GRM4: variants seen among roughly 807,000 people sequenced by gnomAD.
GRM4 encodes glutamate metabotropic receptor 4.
A neutral mutation model predicts 81.7 loss-of-function variants in GRM4; 28 were observed. That is an observed-to-expected ratio of 0.34 (90% CI 0.25 to 0.47). GRM4 has a LOEUF of 0.47. Ranked by LOEUF, GRM4 falls within the 20% of genes least tolerant of loss-of-function variation. GRM4 has a pLI of 1.00. For missense variants in GRM4, 948 were observed against 1,290.0 expected, an observed-to-expected ratio of 0.73 and a Z score of 4.06; for synonymous variants, 488 against 528.8, an observed-to-expected ratio of 0.92 and a Z score of 1.06.
intron 6 of GRM4, among the ~76,000 whole-genome samples, chr6:34,046,499 G>A (rs1765370690): frequency 6.6e-6 from 1 of 152,168 alleles, no homozygotes; most frequent in South Asian, 2.1e-4. Context: ...GGTGAGGTGG[G>A]GGAGGAAAGT....
At chr6:34,079,712 G>A (rs959063447) in intron 3 of GRM4, among the ~76,000 whole-genome samples, 1 of 152,050 alleles carries the variant, frequency 6.6e-6, no homozygotes. Flanking sequence ...CAGGAGTGCC[G>A]TGCCTGGCCC....
Position 34,059,251 on chromosome 6 carries a change from C to G in GRM4, c.873-123G>C. 4.9e-6 allele frequency: 4 copies of G among 820,116 alleles called. No homozygotes were observed. The highest frequency in any genetic ancestry group is 7.9e-6 in the Non-Finnish European group (4 of 508,896). 50.8% of individuals were successfully genotyped at this position (820,116 alleles called of 1,614,324 possible). ...AGAAGCCCAGGGTCCACAACTGTCC[C>G]AGCACCGATGCTTTCACCCCAAGCC... On this transcript the variant is annotated intron_variant, in intron 4 of 10. Transcript: ENST00000538487. This position sits in a 1 kb window ranked among gnomAD's most constrained non-coding sequence, Gnocchi z 5.7.
intron 1 of GRM4, among the ~76,000 whole-genome samples, chr6:34,143,394 C>T (rs1020507719): frequency 6.6e-6 from 1 of 152,148 alleles, no homozygotes; most frequent in African/African-American, 2.4e-5. Flanking sequence ...CACTCTCCAC[C>T]GCAGCCAGGC....
chr6:34,140,404 T>C (rs1200888946), intron 1 of GRM4, among the ~76,000 whole-genome samples: 2 of 151,806 alleles, frequency 1.3e-5, no homozygotes, highest in Non-Finnish European at 2.9e-5. Flanking sequence ...GACAGGGAAA[T>C]GAGGGGCCAC....
At position 34,092,951 on chromosome 6, in the gene GRM4, G is replaced by A. The variant is rs2127487400; in HGVS notation, c.520-852C>T. On this transcript the variant is annotated intron_variant, in intron 2 of 10. Coordinates refer to ENST00000538487, the MANE Select transcript of GRM4 (RefSeq NM_000841.4). The surrounding 1 kb of genome is among the most constrained non-coding windows in gnomAD (Gnocchi z 6.8). ...CTCCTCTCCGCCCCTCCCCTCCAGG[G>A]CGCCACCCACTGCTCTGCTCTCCCG... Among the ~76,000 whole-genome samples the A allele has an allele frequency of 6.6e-6, 1 of 152,200 alleles. No homozygotes were observed. Among genetic ancestry groups the A allele is most frequent in the East Asian group, 1.9e-4 (1 of 5,158 alleles).
intron 2 of GRM4, among the ~76,000 whole-genome samples, chr6:34,101,449 C>T (rs370264325): frequency 2.0e-4 from 30 of 152,160 alleles, no homozygotes; most frequent in African/African-American, 7.0e-4. Flanking sequence ...CTGTCTCCTG[C>T]GTACACGGTG....
At chr6:34,128,770 T>C (rs1488361004) in intron 2 of GRM4, among the ~76,000 whole-genome samples, 1 of 152,192 alleles carries the variant, frequency 6.6e-6, no homozygotes, top group African/African-American at 2.4e-5. Flanking sequence ...AGAGAAGGGT[T>C]AAGCAGTTTG....
chr6:34,041,471 C>T (rs1255104306), intron 6 of GRM4, among the ~76,000 whole-genome samples: 3 of 152,178 alleles, frequency 2.0e-5, no homozygotes, highest in Non-Finnish European at 4.4e-5. Flanking sequence ...AATGACTCCC[C>T]AAGGCACCGT....
Position 34,042,834 on chromosome 6 carries a change from A to G in GRM4, c.1169-2086T>C, listed in dbSNP as rs1031686451. On this transcript the variant is annotated intron_variant, in intron 6 of 10. Transcript: ENST00000538487. The surrounding 1 kb of genome is among the most constrained non-coding windows in gnomAD (Gnocchi z 4.2). Reference sequence around the variant, plus strand: ...GCCTCTCCCTGAGGCAGTACCCTCTAATCCCCTCACACCCTCTAATCCTGG... The same window carrying G: ...GCCTCTCCCTGAGGCAGTACCCTCTGATCCCCTCACACCCTCTAATCCTGG... 1.4e-4 allele frequency among the ~76,000 whole-genome samples: 21 copies of G among 152,148 alleles called. No individual in the cohort carries two copies. Among genetic ancestry groups the G allele is most frequent in the Admixed American group, 1.2e-3 (19 of 15,288 alleles).
rs1302116107 is a variant in GRM4, at chr6:34,121,344, G to C, written c.519+11634C>G. 6.6e-6 allele frequency among the ~76,000 whole-genome samples: 1 copy of C among 152,194 alleles called. No individual in the cohort carries two copies. The highest frequency in any genetic ancestry group is 1.5e-5 in the Non-Finnish European group (1 of 68,038). On this transcript the variant is annotated intron_variant, in intron 2 of 10. Transcript: ENST00000538487. This position sits in a 1 kb window ranked among gnomAD's most constrained non-coding sequence, Gnocchi z 4.6. Reference sequence around the variant, plus strand: ...GACTCCCTGACAGCTTCCAGAGCCTGAGCTGGGAAGGAGAGAGAAGACTGC... The same window carrying C: ...GACTCCCTGACAGCTTCCAGAGCCTCAGCTGGGAAGGAGAGAGAAGACTGC...
chr6:34,031,161 C>T (rs1484115378), intron 9 of GRM4, among the ~76,000 whole-genome samples: 1 of 152,184 alleles, frequency 6.6e-6, no homozygotes, highest in Non-Finnish European at 1.5e-5. Context: ...CCAGGAAGGT[C>T]CTAAAGGGAG....
At chr6:34,062,579 A>C (rs1766241791) in intron 3 of GRM4, 1 of 147,670 alleles carries the variant, frequency 6.8e-6, no homozygotes, top group Non-Finnish European at 1.5e-5. Context: ...AATAGAGCCC[A>C]CCCTGAGGCA....
intron 2 of GRM4, chr6:34,099,999 G>C: frequency 1.1e-6 from 1 of 951,920 alleles, no homozygotes; most frequent in Non-Finnish European, 1.3e-6. Flanking sequence ...ACTCACCTCA[G>C]GACTTGACTC....
In GRM4 at chr6:34,040,664, T is replaced by C. The variant is rs1764977256; in HGVS notation, c.1253A>G (p.His418Arg). The change falls in exon 7 of 11, where the codon CAC (histidine) becomes CGC (arginine). Residue 418 changes from histidine (H) to arginine (R), a missense_variant. Physicochemically the swap from His to Arg is conservative, Grantham distance 29. Coordinates refer to ENST00000538487, the MANE Select transcript of GRM4 (RefSeq NM_000841.4). ...GTCACGGTGCATGGCGTGCAGCGCG[T>C]GGCCCATGGCGTACACGGCATCGAT... ...FVIDAVYAMG[H>R]ALHAMHRDLC... 1 of 1,613,936 alleles carries C rather than the reference T, an allele frequency of 6.2e-7. No homozygotes were observed.
Position 34,036,286 on chromosome 6 carries a change from G to C in GRM4, c.1824C>G (p.Thr608=). The C allele has an allele frequency of 6.2e-7, 1 of 1,614,158 alleles. No homozygotes were observed. The highest frequency in any genetic ancestry group is 8.5e-7 in the Non-Finnish European group (1 of 1,180,010). The stretch of plus-strand genomic sequence containing the variant: ...TGGGCGTGTCGTTGTAGCGCACAAA[G>C]GTGATCACCACGAACAACGTGGCAG... ...GIAATLFVVI[T]FVRYNDTPIV... is the part of the protein sequence containing the mutation. Residue 608 remains threonine, a synonymous_variant, in exon 9 of 11, where the codon ACC becomes ACG. Coordinates refer to ENST00000538487, the MANE Select transcript of GRM4 (RefSeq NM_000841.4). This position sits in a 1 kb window ranked among gnomAD's most constrained non-coding sequence, Gnocchi z 9.0.
Position 34,091,886 on chromosome 6 carries a change from C to T in GRM4, c.733G>A (p.Asp245Asn), listed in dbSNP as rs1768239896. 1 of 1,610,718 alleles carries T rather than the reference C, an allele frequency of 6.2e-7. No individual in the cohort carries two copies. Among genetic ancestry groups the T allele is most frequent in the Admixed American group, 1.7e-5 (1 of 59,972 alleles). ...TGCGGCCAGGCGTTTGACTCACCGT[C>T]CTCACGGGACTTCTGGATGAAGGCC... The part of the protein sequence containing the change: ...VEAFIQKSRE[D>N]GGVCIAQSVK... Residue 245 changes from aspartate (D) to asparagine (N), a missense_variant, in exon 3 of 11, where the codon GAC (aspartate) becomes AAC (asparagine). Coordinates refer to ENST00000538487, the MANE Select transcript of GRM4 (RefSeq NM_000841.4).
chr6:34,044,055 C>A (rs1765141012), intron 6 of GRM4, among the ~76,000 whole-genome samples: 1 of 151,600 alleles, frequency 6.6e-6, no homozygotes. Flanking sequence ...CATAGACATA[C>A]ATACATACAC....
rs1444650183 is a variant in GRM4 at position 34,022,968 on chromosome 6, G to A, written c.2690-98C>T. The A allele has an allele frequency of 5.5e-6, 5 of 903,338 alleles. No homozygotes were observed. The highest frequency in any genetic ancestry group is 9.2e-6 in the Non-Finnish European group (5 of 545,542). The allele number at this position is 903,338 out of a possible 1,614,324, so 56.0% of individuals were successfully genotyped here. A position where few individuals can be genotyped will look rare whatever the true frequency, so the allele number is the denominator to read the frequency against. Reference sequence around the variant, plus strand: ...CAGCCCTGCACAAGAACCTACCATAGCTCCCCGCCTCTCATGGCATCCAGT... The same window carrying A: ...CAGCCCTGCACAAGAACCTACCATAACTCCCCGCCTCTCATGGCATCCAGT... On this transcript the variant is annotated intron_variant, in intron 10 of 10. Coordinates refer to ENST00000538487, the MANE Select transcript of GRM4 (RefSeq NM_000841.4). This position sits in a 1 kb window ranked among gnomAD's most constrained non-coding sequence, Gnocchi z 5.6.
At chr6:34,094,001 A>G (rs1447803946) in intron 2 of GRM4, among the ~76,000 whole-genome samples, 1 of 152,244 alleles carries the variant, frequency 6.6e-6, no homozygotes, top group Non-Finnish European at 1.5e-5. Flanking sequence ...AACGACCCAC[A>G]TGTCCATCAA....
Sources: allele counts gnomAD v4.1 joint callset (sites outside exome capture counted in the v4.1 genomes callset), GRCh38; gene constraint gnomAD v4.1.1; non-coding constraint Gnocchi (gnomAD v3.1); transcripts MANE v1.5; gene names NCBI Gene and HGNC (gene_info 2026-07-23, HGNC 2026-07-21).